Variants in KLHL2 observed in about 807,000 individuals in gnomAD.
KLHL2 encodes kelch like family member 2, also known as kelch-like protein 2.
A neutral mutation model predicts 75.8 loss-of-function variants in KLHL2; 15 were observed. The observed-to-expected ratio is 0.20, with a 90% CI of 0.13 to 0.30. The LOEUF (loss-of-function observed/expected upper bound fraction) is 0.30. Among genes scored for constraint, KLHL2 ranks in the 10% least tolerant of loss-of-function variants. The pLI is 1.00. For missense variants in KLHL2, 381 were observed against 741.0 expected (o/e 0.51, Z 5.64); for synonymous variants, 214 against 251.9 (o/e 0.85, Z 1.42).
chr4:165,218,982 G>A (rs1474264025), intron 1 of KLHL2, among the ~76,000 whole-genome samples: 1 of 152,076 alleles, frequency 6.6e-6, no homozygotes, highest in Non-Finnish European at 1.5e-5. Flanking sequence ...GCAATCTAAT[G>A]ATTTTTATTA....
intron 3 of KLHL2, among the ~76,000 whole-genome samples, chr4:165,236,888 A>G (rs1303861279): frequency 2.0e-5 from 3 of 151,906 alleles, no homozygotes; most frequent in Admixed American, 6.6e-5. Context: ...TCTTATAGCA[A>G]TACCTTAAAA....
intron 11 of KLHL2, among the ~76,000 whole-genome samples, chr4:165,311,811 G>T (rs35743700): frequency 1.3e-5 from 1 of 78,108 alleles, no homozygotes; most frequent in Non-Finnish European, 2.0e-5. Flanking sequence ...CTTTCTCTCT[G>T]TGTGTGTGTG....
intron 5 of KLHL2, among the ~76,000 whole-genome samples, chr4:165,289,826 TTC>T (rs1156863591): frequency 6.6e-6 from 1 of 152,202 alleles, no homozygotes; most frequent in East Asian, 1.9e-4. Flanking sequence ...TATGGAAAAG[TTC>T]TCTCAGTTAT....
chr4:165,256,515 G>C (rs1227404290), intron 4 of KLHL2, among the ~76,000 whole-genome samples: 2 of 152,034 alleles, frequency 1.3e-5, no homozygotes, highest in African/African-American at 4.8e-5. Flanking sequence ...AGACTCCAAA[G>C]GCCTTTCAAC....
At chr4:165,302,035 CT>C (rs1480176966) in intron 8 of KLHL2, among the ~76,000 whole-genome samples, 2 of 152,094 alleles carry the variant, frequency 1.3e-5, no homozygotes, top group Non-Finnish European at 2.9e-5. Context: ...CTGTGTTATA[CT>C]TTTAGATTTC....
At chr4:165,267,480 C>T (rs1408578259) in intron 5 of KLHL2, among the ~76,000 whole-genome samples, 2 of 151,962 alleles carry the variant, frequency 1.3e-5, no homozygotes, top group East Asian at 1.9e-4. Context: ...TTTTGAGATA[C>T]GTTCCATCAA....
At chr4:165,287,018 A>T (rs1687254622) in intron 5 of KLHL2, among the ~76,000 whole-genome samples, 1 of 152,206 alleles carries the variant, frequency 6.6e-6, no homozygotes, top group African/African-American at 2.4e-5. Context: ...ATATAACATG[A>T]AATTTACCAC....
intron 5 of KLHL2, chr4:165,278,999 T>C: frequency 6.7e-7 from 1 of 1,497,246 alleles, no homozygotes; most frequent in Non-Finnish European, 9.3e-7. Flanking sequence ...GAGTTGTTTA[T>C]CCCATTCCAA....
chr4:165,261,662 A>G, intron 4 of KLHL2, among the ~76,000 whole-genome samples: 1 of 151,992 alleles, frequency 6.6e-6, no homozygotes, highest in East Asian at 1.9e-4. Flanking sequence ...CTCAGAAGGA[A>G]AAGGCCTTAT....
intron 4 of KLHL2, among the ~76,000 whole-genome samples, chr4:165,257,513 G>A (rs1340329719): frequency 1.3e-5 from 2 of 152,168 alleles, no homozygotes; most frequent in East Asian, 3.9e-4. Context: ...CAGGGGCTGG[G>A]GTGAGGCCCT....
In KLHL2 at chr4:165,313,417, G is replaced by T. The variant is rs547196614; in HGVS notation, c.1468+51G>T. 7.2e-6 allele frequency: 10 copies of T among 1,396,002 alleles called. No homozygotes were observed. The African/African-American group carries it at 1.5e-4, about 21-fold the overall frequency. 86.5% of individuals were successfully genotyped at this position (1,396,002 alleles called of 1,614,324 possible). On this transcript the variant is annotated intron_variant, in intron 12 of 14. Transcript: ENST00000226725. Reference sequence around the variant, plus strand: ...TGAAGCACAAAAATGATGGAAAATAGTTAAAGTAAAATGATTCAGTGGCAT... The same window carrying T: ...TGAAGCACAAAAATGATGGAAAATATTTAAAGTAAAATGATTCAGTGGCAT...
At chr4:165,222,385 C>T (rs998247964) in intron 2 of KLHL2, among the ~76,000 whole-genome samples, 35 of 151,916 alleles carry the variant, frequency 2.3e-4, no homozygotes, top group Non-Finnish European at 4.6e-4. Flanking sequence ...TCTGTTTGCC[C>T]CTTTTTGGAT....
chr4:165,243,776 C>T (rs1244455008), intron 4 of KLHL2, among the ~76,000 whole-genome samples: 5 of 152,200 alleles, frequency 3.3e-5, no homozygotes, highest in East Asian at 1.9e-4. Context: ...TGCATGTTCC[C>T]GGAAGGAGGA....
chr4:165,310,407 T>C (rs1746070461), intron 9 of KLHL2, 146 bp from the exon 10 acceptor site: 1 of 684,256 alleles, frequency 1.5e-6, no homozygotes, highest in South Asian at 1.7e-5. Flanking sequence ...TGCAAATGAA[T>C]AGCATTTTCA....
intron 8 of KLHL2, among the ~76,000 whole-genome samples, chr4:165,304,866 T>C (rs1486756381): frequency 3.3e-5 from 5 of 152,226 alleles, no homozygotes; most frequent in Non-Finnish European, 7.3e-5. Flanking sequence ...CTTATATTTC[T>C]TATGTATAAC....
intron 2 of KLHL2, among the ~76,000 whole-genome samples, chr4:165,228,397 G>C (rs1738625981): frequency 6.6e-6 from 1 of 150,786 alleles, no homozygotes; most frequent in Non-Finnish European, 1.5e-5. Flanking sequence ...AGAGGGGATG[G>C]GTATTTGACC....
rs775129798 is a variant in KLHL2, at chr4:165,278,385, G to A, written c.544+15026G>A. 11 of 1,344,128 alleles carry A rather than the reference G, an allele frequency of 8.2e-6. No homozygotes were observed. The Middle Eastern group carries it at 5.4e-4, about 66-fold the overall frequency. 83.3% of individuals were successfully genotyped at this position (1,344,128 alleles called of 1,614,324 possible). The stretch of plus-strand genomic sequence containing the variant: ...GTCATTCCTCCATCAACCTGCAAAT[G>A]ACTGAGTGGAATTCCACAGTCTCGA... On this transcript the variant is annotated intron_variant, in intron 5 of 14. Transcript: ENST00000226725.
chr4:165,259,580 A>G (rs367844328), intron 4 of KLHL2, among the ~76,000 whole-genome samples: 7 of 152,326 alleles, frequency 4.6e-5, no homozygotes, highest in East Asian at 1.9e-4. Flanking sequence ...TCGCTTGTGT[A>G]TGATGGAGAT....
chr4:165,299,257 T>G (rs796575391), intron 7 of KLHL2, among the ~76,000 whole-genome samples: 11 of 152,308 alleles, frequency 7.2e-5, no homozygotes, highest in African/African-American at 2.6e-4. Context: ...ACATTGAAGT[T>G]TATCATTTTT....
Sources: gnomAD v4.1 joint callset for allele counts (sites outside exome capture counted in the v4.1 genomes callset) on GRCh38, gnomAD v4.1.1 for gene constraint, MANE v1.5 for transcripts, NCBI Gene and HGNC (gene_info 2026-07-23, HGNC 2026-07-21) for gene names.